HCN4: variants seen among roughly 807,000 people sequenced by gnomAD.
HCN4 encodes the protein potassium/sodium hyperpolarization-activated cyclic nucleotide-gated channel 4.
Under a neutral mutation model 76.9 loss-of-function variants are expected in HCN4, and 29 were observed. The observed-to-expected ratio is 0.38, with a 90% confidence interval of 0.28 to 0.51. The LOEUF is 0.51. HCN4 is among the 20% of genes least tolerant of loss of function. HCN4 has a pLI of 0.90. For missense variants in HCN4, 1,416 were observed against 1,715.2 expected (o/e 0.83, Z 3.08); for synonymous variants, 772 against 762.5 (o/e 1.01, Z -0.21).
Position 73,328,972 on chromosome 15 carries a change from G to T in HCN4, c.1590+601C>A, listed in dbSNP as rs926669680. ...ATGAGGGGCGTGGGGTGTCCAGAGAGGGATGAAATAAACCACCTGGAGCTG... is the reference window on the plus strand; with the variant it reads ...ATGAGGGGCGTGGGGTGTCCAGAGATGGATGAAATAAACCACCTGGAGCTG... On this transcript the variant is annotated intron_variant, in intron 4 of 7. Coordinates refer to ENST00000261917, the MANE Select transcript of HCN4 (RefSeq NM_005477.3). The surrounding 1 kb of genome is among the most constrained non-coding windows in gnomAD (Gnocchi z 4.0). 2.0e-5 allele frequency among the ~76,000 whole-genome samples: 3 copies of T among 152,202 alleles called. No homozygotes were observed. The highest frequency in any genetic ancestry group is 7.2e-5 in the African/African-American group (3 of 41,464).
At position 73,322,206 on chromosome 15, in the gene HCN4, T is replaced by C; in HGVS notation, c.*275A>G. Reference sequence around the variant, plus strand: ...CCCAGCCCCGGAGACCCCATCTGCCTTTCTCTGGCTTTTGCATTTGGGACC... The same window carrying C: ...CCCAGCCCCGGAGACCCCATCTGCCCTTCTCTGGCTTTTGCATTTGGGACC... On this transcript the variant is annotated 3_prime_UTR_variant, in exon 8 of 8. Transcript: ENST00000261917. The C allele has an allele frequency of 9.0e-6, 3 of 333,196 alleles. No homozygotes were observed. The highest frequency in any genetic ancestry group is 1.7e-5 in the Non-Finnish European group (3 of 173,108). 20.6% of individuals were successfully genotyped at this position (333,196 alleles called of 1,614,324 possible).
chr15:73,356,374 CTTTTTTTT>C (rs71137342), intron 1 of HCN4, among the ~76,000 whole-genome samples: 1 of 118,180 alleles, frequency 8.5e-6, no homozygotes, highest in Non-Finnish European at 1.8e-5. Context: ...CTTTTCTTTT[CTTTTTTTT>C]TTTTTTTTTT....
At chr15:73,348,370 A>G (rs1013097032) in intron 1 of HCN4, among the ~76,000 whole-genome samples, 1 of 152,256 alleles carries the variant, frequency 6.6e-6, no homozygotes, top group Admixed American at 6.5e-5. Flanking sequence ...ACGCATGCAC[A>G]TGTGCACATG....
Position 73,323,346 on chromosome 15 carries a change from C to A in HCN4, c.2747G>T (p.Gly916Val), listed in dbSNP as rs867341538. Residue 916 changes from glycine to valine, a missense_variant, in exon 8 of 8, where the codon GGC (glycine) becomes GTC (valine). Gly to Val is a moderately radical substitution (Grantham distance 109). Around this residue, in one of 6 missense-constraint regions of HCN4, gnomAD observed 633 missense variants for 579.8 expected, o/e 1.09. Coordinates refer to ENST00000261917, the MANE Select transcript of HCN4 (RefSeq NM_005477.3). Reference protein sequence around the residue: ...GFGHFHKALGGSLSSSDSPLL... With the variant: ...GFGHFHKALGVSLSSSDSPLL... ...GGGAGAGTCGGAGGAGGACAGGGAG[C>A]CACCCAGCGCCTTGTGGAAGTGGCC... 6.4e-7 allele frequency: 1 copy of A among 1,567,730 alleles called. No individual in the cohort carries two copies. Among genetic ancestry groups the A allele is most frequent in the East Asian group, 2.4e-5 (1 of 42,418 alleles).
intron 4 of HCN4, among the ~76,000 whole-genome samples, chr15:73,329,344 G>A (rs534530213): frequency 1.1e-4 from 16 of 152,340 alleles, no homozygotes; most frequent in Non-Finnish European, 1.9e-4. Flanking sequence ...CACTGGAGAC[G>A]GGGAAGGTGG....
intron 1 of HCN4, among the ~76,000 whole-genome samples, chr15:73,356,374 CTT>C (rs71137342): frequency 8.5e-5 from 10 of 118,190 alleles, no homozygotes; most frequent in African/African-American, 1.9e-4. Flanking sequence ...CTTTTCTTTT[CTT>C]TTTTTTTTTT....
At chr15:73,366,756 G>A (rs2043130067) in intron 1 of HCN4, among the ~76,000 whole-genome samples, 1 of 152,218 alleles carries the variant, frequency 6.6e-6, no homozygotes, top group Non-Finnish European at 1.5e-5. Flanking sequence ...GGTCTCTGGG[G>A]TATGGATGGG....
chr15:73,355,457 C>T (rs911899314), intron 1 of HCN4, among the ~76,000 whole-genome samples: 5 of 152,112 alleles, frequency 3.3e-5, no homozygotes, highest in East Asian at 3.9e-4. Context: ...CGGAAGAACG[C>T]GCACCTCAGG....
At position 73,368,603 on chromosome 15, in the gene HCN4, T is replaced by A. The variant is rs1043723641; in HGVS notation, c.-333A>T. ...GGCGCCCCGCCCCCGCGGGGAACAA[T>A]GGGCGCCGGCCGGAGAGGCTCTGCG... On this transcript the variant is annotated 5_prime_UTR_variant, in exon 1 of 8. Coordinates refer to ENST00000261917, the MANE Select transcript of HCN4 (RefSeq NM_005477.3). This position sits in a 1 kb window ranked among gnomAD's most constrained non-coding sequence, Gnocchi z 6.9. 2.9e-5 allele frequency: 5 copies of A among 172,286 alleles called. No homozygotes were observed. The highest frequency in any genetic ancestry group is 6.1e-5 in the Non-Finnish European group (5 of 81,870). The allele number at this position is 172,286 out of a possible 1,614,324, so 10.7% of individuals were successfully genotyped here. A position where few individuals can be genotyped will look rare whatever the true frequency, so the allele number is the denominator to read the frequency against.
In HCN4 at chr15:73,322,917, C is replaced by T; in HGVS notation, c.3176G>A (p.Ser1059Asn). ...CTGGGGGACCTGGGGTGGTGGGGGG[C>T]TGGATGCAGGTGGCAGGAGCAAGGA... Reference protein sequence around the residue: ...HGSLLLPPASSPPPPQVPQRR... With the variant: ...HGSLLLPPASNPPPPQVPQRR... The change falls in exon 8 of 8, where the codon AGC becomes AAC. Residue 1059 changes from serine to asparagine, a missense_variant. Coordinates refer to ENST00000261917, the MANE Select transcript of HCN4 (RefSeq NM_005477.3). 1.4e-6 allele frequency: 2 copies of T among 1,397,804 alleles called. No individual in the cohort carries two copies. Among genetic ancestry groups the T allele is most frequent in the Non-Finnish European group, 1.9e-6 (2 of 1,059,456 alleles). 86.6% of individuals were successfully genotyped at this position (1,397,804 alleles called of 1,614,324 possible).
intron 1 of HCN4, among the ~76,000 whole-genome samples, chr15:73,349,414 G>T (rs1374389416): frequency 6.6e-6 from 1 of 152,052 alleles, no homozygotes; most frequent in Non-Finnish European, 1.5e-5. Context: ...GGAGACTGAG[G>T]TACAAGGAGT....
chr15:73,336,542 G>A (rs750339223), intron 2 of HCN4, among the ~76,000 whole-genome samples: 7 of 152,074 alleles, frequency 4.6e-5, no homozygotes, highest in Non-Finnish European at 8.8e-5. Context: ...CTATCTCTAC[G>A]TGGACACATC....
intron 1 of HCN4, among the ~76,000 whole-genome samples, chr15:73,350,703 G>A (rs894795342): frequency 3.3e-5 from 5 of 151,960 alleles, no homozygotes; most frequent in East Asian, 1.9e-4. Context: ...GGGAATCAGC[G>A]GCTCTTCTAC....
intron 1 of HCN4, among the ~76,000 whole-genome samples, chr15:73,344,324 C>T (rs575204163): frequency 2.2e-4 from 33 of 152,266 alleles, no homozygotes; most frequent in Admixed American, 3.9e-4. Flanking sequence ...GCCCAGGCTC[C>T]GGCCCCAGCT....
intron 1 of HCN4, among the ~76,000 whole-genome samples, chr15:73,358,330 G>A (rs1240595439): frequency 6.6e-6 from 1 of 152,214 alleles, no homozygotes; most frequent in Non-Finnish European, 1.5e-5. Flanking sequence ...AGGAACAAGT[G>A]CCCTCACATC....
chr15:73,331,800 G>A (rs1417577572), intron 3 of HCN4, among the ~76,000 whole-genome samples: 2 of 152,166 alleles, frequency 1.3e-5, no homozygotes, highest in African/African-American at 4.8e-5. Context: ...GAGGCCAGGA[G>A]CTGCCAGCCC....
chr15:73,334,277 G>A (rs537967898), intron 2 of HCN4, among the ~76,000 whole-genome samples: 13 of 152,242 alleles, frequency 8.5e-5, no homozygotes, highest in East Asian at 3.9e-4. Context: ...AGAGCAGGCC[G>A]GTCTGTGGCT....
In HCN4 at chr15:73,320,039, T is replaced by C. The variant is rs2042846946; in HGVS notation, c.*2442A>G. 6.6e-6 allele frequency: 1 copy of C among 152,158 alleles called. No homozygotes were observed. Among genetic ancestry groups the C allele is most frequent in the Admixed American group, 6.6e-5 (1 of 15,264 alleles). The allele number at this position is 152,158 out of a possible 1,614,324, so 9.4% of individuals were successfully genotyped here. ...TGGGTCAGAGCTATTATAAAATGCA[T>C]GTGTGTGTAAGTAGAGAAGAGGGTG... On this transcript the variant is annotated 3_prime_UTR_variant, in exon 8 of 8. Transcript: ENST00000261917.
chr15:73,324,790 T>C (rs2151215318), intron 6 of HCN4, among the ~76,000 whole-genome samples, 165 bp downstream of exon 6: 2 of 152,234 alleles, frequency 1.3e-5, no homozygotes, highest in Middle Eastern at 6.8e-3. Flanking sequence ...GGCACTTTTG[T>C]TACAAGAACC....
Sources: gnomAD v4.1 joint callset for allele counts (sites outside exome capture counted in the v4.1 genomes callset) on GRCh38, gnomAD v4.1.1 for gene constraint, gnomAD v4.1.1 regional missense constraint, Gnocchi (gnomAD v3.1) non-coding constraint, MANE v1.5 for transcripts, NCBI Gene and HGNC (gene_info 2026-07-23, HGNC 2026-07-21) for gene names.